Variants in CLEC2D observed in about 807,000 individuals in gnomAD.
CLEC2D encodes the protein C-type lectin domain family 2 member D.
A neutral mutation model predicts 20.0 loss-of-function variants in CLEC2D; 16 were observed. The ratio of observed to expected loss-of-function variants is 0.80; its 90% CI spans 0.54 to 1.22. CLEC2D has a LOEUF of 1.22. Among genes scored for constraint, CLEC2D ranks in the 50% most tolerant of loss-of-function variants. The pLI, the probability that CLEC2D is intolerant of heterozygous loss-of-function variation, is 0.00. For missense variants in CLEC2D, 207 were observed against 221.5 expected (o/e 0.93, Z 0.42); for synonymous variants, 77 against 71.1 (o/e 1.08, Z -0.42).
Position 9,695,575 on chromosome 12 carries a change from A to C in CLEC2D, c.*701A>C. 6.8e-7 allele frequency: 1 copy of C among 1,475,582 alleles called. No individual in the cohort carries two copies. The highest frequency in any genetic ancestry group is 9.4e-7 in the Non-Finnish European group (1 of 1,069,466). 91.4% of individuals were successfully genotyped at this position (1,475,582 alleles called of 1,614,324 possible). A position where few individuals can be genotyped will look rare whatever the true frequency, so the allele number is the denominator to read the frequency against. On this transcript the variant is annotated 3_prime_UTR_variant, in exon 5 of 5. Coordinates refer to ENST00000290855, the MANE Select transcript of CLEC2D (RefSeq NM_013269.6). ...ACTGCACATTGTTGAAGCAGAGGCC[A>C]TGAATGACGAAGGCAGTCCAATTAA...
Position 9,696,619 on chromosome 12 carries a change from G to A in CLEC2D, c.*1745G>A, listed in dbSNP as rs1028644991. On this transcript the variant is annotated 3_prime_UTR_variant, in exon 5 of 5. Transcript: ENST00000290855. Reference sequence around the variant, plus strand: ...TTGTCTCCACCTGGCCCTGCCCTTTGCATGTGGAGATTATTACAATTCAAG... The same window carrying A: ...TTGTCTCCACCTGGCCCTGCCCTTTACATGTGGAGATTATTACAATTCAAG... 1.1e-5 allele frequency: 2 copies of A among 183,224 alleles called. No homozygotes were observed. The highest frequency in any genetic ancestry group is 2.1e-4 in the East Asian group (2 of 9,598). 11.3% of individuals were successfully genotyped at this position (183,224 alleles called of 1,614,324 possible).
Position 9,683,123 on chromosome 12 carries a change from T to G in CLEC2D, c.172+2090T>G, listed in dbSNP as rs143142235. 5.1e-3 allele frequency among the ~76,000 whole-genome samples: 771 copies of G among 152,300 alleles called. 7 individuals are homozygous for G. The highest frequency in any genetic ancestry group is 0.018 in the African/African-American group (741 of 41,570). ...TTATGATGAGCTTTTTATCATATAT[T>G]TGTTGGCCACATAAATGTCTTCTTT... is the stretch of plus-strand genomic sequence containing the variant. On this transcript the variant is annotated intron_variant, in intron 2 of 4. Transcript: ENST00000290855.
rs1357524216 is a variant in CLEC2D at position 9,694,989 on chromosome 12, A to G, written c.*115A>G. 4.7e-6 allele frequency: 3 copies of G among 631,760 alleles called. No homozygotes were observed. Among genetic ancestry groups the G allele is most frequent in the East Asian group, 2.7e-5 (1 of 36,434 alleles). The allele number at this position is 631,760 out of a possible 1,614,324, so 39.1% of individuals were successfully genotyped here. A position where few individuals can be genotyped will look rare whatever the true frequency, so the allele number is the denominator to read the frequency against. On this transcript the variant is annotated 3_prime_UTR_variant, in exon 5 of 5. Coordinates refer to ENST00000290855, the MANE Select transcript of CLEC2D (RefSeq NM_013269.6). Reference sequence around the variant, plus strand: ...CAACAGGTATATGAAAATATGCTCAATATCACTAATAACTGGGAAAATACA... The same window carrying G: ...CAACAGGTATATGAAAATATGCTCAGTATCACTAATAACTGGGAAAATACA...
intron 1 of CLEC2D, among the ~76,000 whole-genome samples, chr12:9,675,760 T>A (rs1053953244): frequency 6.6e-6 from 1 of 152,228 alleles, no homozygotes; most frequent in East Asian, 1.9e-4. Context: ...GTTGAGTCTT[T>A]CTCTCCATGA....
chr12:9,688,612 A>G (rs1865803591), intron 3 of CLEC2D, among the ~76,000 whole-genome samples: 1 of 152,182 alleles, frequency 6.6e-6, no homozygotes, highest in South Asian at 2.1e-4. Context: ...CCAGCTACTC[A>G]GGAGGCTGAG....
intron 2 of CLEC2D, among the ~76,000 whole-genome samples, chr12:9,682,445 T>TGC (rs1309904888): frequency 8.5e-5 from 13 of 152,142 alleles, no homozygotes; most frequent in Admixed American, 8.5e-4. Flanking sequence ...GGTATACACG[T>TGC]GCCATGGTGG....
intron 2 of CLEC2D, 138 bp from the exon 3 acceptor site, chr12:9,687,764 A>C (rs748952659): frequency 4.9e-5 from 24 of 485,270 alleles, no homozygotes; most frequent in Non-Finnish European, 6.2e-5. Context: ...TTAGCATCAT[A>C]TTTCTCACTT....
At chr12:9,683,466 G>A (rs1865688127) in intron 2 of CLEC2D, among the ~76,000 whole-genome samples, 1 of 151,574 alleles carries the variant, frequency 6.6e-6, no homozygotes, top group South Asian at 2.1e-4. Flanking sequence ...GTCCTGAATG[G>A]TATTGCCTAG....
intron 3 of CLEC2D, among the ~76,000 whole-genome samples, chr12:9,691,623 A>G (rs1865864993): frequency 6.6e-6 from 1 of 152,228 alleles, no homozygotes; most frequent in African/African-American, 2.4e-5. Context: ...AGTCACGCAT[A>G]TGTAGAAATT....
intron 2 of CLEC2D, among the ~76,000 whole-genome samples, chr12:9,683,335 G>GTTTTTTTTTTTTTTTTT (rs1357039664): frequency 1.8e-4 from 2 of 11,288 alleles, no homozygotes; most frequent in Non-Finnish European, 3.3e-4. Context: ...TTTTGTGTTT[G>GTTTTTTTTTTTTTTTTT]TTTTTTTTTT....
intron 2 of CLEC2D, among the ~76,000 whole-genome samples, chr12:9,686,413 A>G (rs1000401303): frequency 2.0e-5 from 3 of 152,118 alleles, no homozygotes; most frequent in African/African-American, 7.2e-5. Context: ...GTCTGGTTCA[A>G]GAAATTACAT....
At chr12:9,689,795 A>G (rs1361314058) in intron 3 of CLEC2D, among the ~76,000 whole-genome samples, 1 of 152,096 alleles carries the variant, frequency 6.6e-6, no homozygotes, top group Non-Finnish European at 1.5e-5. Flanking sequence ...CTTGAAAATA[A>G]GATAATTGAA....
chr12:9,676,332 T>C (rs1423510696), intron 1 of CLEC2D, among the ~76,000 whole-genome samples: 1 of 152,204 alleles, frequency 6.6e-6, no homozygotes, highest in Non-Finnish European at 1.5e-5. Flanking sequence ...ATTTCTAGTT[T>C]ACTGGGAGTT....
At chr12:9,685,086 A>C (rs1013094693) in intron 2 of CLEC2D, among the ~76,000 whole-genome samples, 3 of 152,132 alleles carry the variant, frequency 2.0e-5, no homozygotes, top group African/African-American at 7.2e-5. Flanking sequence ...CAGGAATCTG[A>C]TTTCTTCCTG....
At position 9,695,856 on chromosome 12, in the gene CLEC2D, TGATGATGATGATGATGAA is replaced by T; in HGVS notation, c.*1000_*1017del. On this transcript the variant is annotated 3_prime_UTR_variant, in exon 5 of 5. Transcript: ENST00000290855. Reference sequence around the variant, plus strand: ...AAAAAGTAAAACTTGCTGCTGCTGCTGATGATGATGATGATGAAGATGATGATGATGATGATGACGAGG... The same window carrying T: ...AAAAAGTAAAACTTGCTGCTGCTGCTGATGATGATGATGATGATGACGAGG... 4.5e-6 allele frequency: 4 copies of T among 892,392 alleles called. No individual in the cohort carries two copies. In the South Asian group the frequency reaches 5.7e-5, roughly 13 times the overall value. 55.3% of individuals were successfully genotyped at this position (892,392 alleles called of 1,614,324 possible).
chr12:9,681,407 G>A (rs1865632808), intron 2 of CLEC2D, among the ~76,000 whole-genome samples: 1 of 152,126 alleles, frequency 6.6e-6, no homozygotes, highest in Admixed American at 6.5e-5. Context: ...ATGGTTTAAA[G>A]TACACAAAAC....
At chr12:9,672,930 C>G (rs751592955) in intron 1 of CLEC2D, among the ~76,000 whole-genome samples, 1 of 152,208 alleles carries the variant, frequency 6.6e-6, no homozygotes, top group East Asian at 1.9e-4. Flanking sequence ...TTATGTTCCT[C>G]TCTGAACTGG....
chr12:9,695,138 TC>T lies in CLEC2D; in HGVS notation c.*266del. 1.7e-6 allele frequency: 1 copy of T among 579,050 alleles called. No individual in the cohort carries two copies. Among genetic ancestry groups the T allele is most frequent in the Non-Finnish European group, 3.1e-6 (1 of 325,162 alleles). 35.9% of individuals were successfully genotyped at this position (579,050 alleles called of 1,614,324 possible). A position where few individuals can be genotyped will look rare whatever the true frequency, so the allele number is the denominator to read the frequency against. ...AAAAGAGATTTAATTGACTCATAGTTCCACATGGCTGGGGAGGTCTTGCAAT... is the reference window on the plus strand; with the variant it reads ...AAAAGAGATTTAATTGACTCATAGTTCACATGGCTGGGGAGGTCTTGCAAT... On this transcript the variant is annotated 3_prime_UTR_variant, in exon 5 of 5. Coordinates refer to ENST00000290855, the MANE Select transcript of CLEC2D (RefSeq NM_013269.6).
chr12:9,691,060 A>C (rs2120970404), intron 3 of CLEC2D, among the ~76,000 whole-genome samples: 1 of 152,224 alleles, frequency 6.6e-6, no homozygotes, highest in East Asian at 1.9e-4. Flanking sequence ...AAGAAGTTGA[A>C]AGTAAAAGGA....
Sources: gnomAD v4.1 joint callset for allele counts (sites outside exome capture counted in the v4.1 genomes callset) on GRCh38, gnomAD v4.1.1 for gene constraint, MANE v1.5 for transcripts, NCBI Gene and HGNC (gene_info 2026-07-23, HGNC 2026-07-21) for gene names.